ODF2L: variants seen among roughly 807,000 people sequenced by gnomAD.
ODF2L encodes outer dense fiber of sperm tails 2 like, also known as protein BCAP.
In ODF2L, 76 loss-of-function variants were observed where a neutral mutation model predicts 86.3. That is an observed-to-expected ratio of 0.88 (90% confidence interval 0.73 to 1.07). ODF2L has a LOEUF of 1.07. ODF2L is among the 50% of genes least tolerant of loss of function. The pLI is 0.00. For synonymous variants in ODF2L, 241 were observed against 231.3 expected, an observed-to-expected ratio of 1.04 and a Z score of -0.38; for missense variants, 748 against 717.4, an observed-to-expected ratio of 1.04 and a Z score of -0.49.
intron 7 of ODF2L, among the ~76,000 whole-genome samples, chr1:86,376,737 G>A (rs993108503): frequency 1.3e-5 from 2 of 152,092 alleles, no homozygotes; most frequent in Admixed American, 6.5e-5. Flanking sequence ...CAGGTCTCAC[G>A]AGAACTCACT....
intron 7 of ODF2L, among the ~76,000 whole-genome samples, chr1:86,381,574 T>C (rs568906449): frequency 3.2e-4 from 49 of 151,892 alleles, no homozygotes; most frequent in African/African-American, 1.2e-3. Context: ...TGAGTCTCTG[T>C]AACCTCTCAA....
At chr1:86,352,393 G>C (rs143762156) in intron 17 of ODF2L, among the ~76,000 whole-genome samples, 2,132 of 152,180 alleles carry the variant, frequency 0.014, 20 homozygotes, top group Non-Finnish European at 0.021. Context: ...TTTCATGGCT[G>C]AGTGGACTAA....
chr1:86,352,878 A>G, exon 17 of ODF2L: 1 of 1,542,550 alleles, frequency 6.5e-7, no homozygotes, highest in Non-Finnish European at 8.9e-7. Context: ...TTTGCAAACA[A>G]GTTGATTTTG....
In ODF2L at chr1:86,354,866, G is replaced by GAAA; in HGVS notation, c.1519-10_1519-8dup. The stretch of plus-strand genomic sequence containing the variant: ...GATTGTGATTTCCATCAACCTAAAA[G>GAAA]AAAAAAAAAAGTTTTCTTAGTCATT... On this transcript the variant is annotated splice_polypyrimidine_tract_variant and splice_region_variant and intron_variant, in intron 14 of 17. Coordinates refer to ENST00000317336, the Ensembl canonical transcript of ODF2L. 6.9e-7 allele frequency: 1 copy of GAAA among 1,449,254 alleles called. No homozygotes were observed. The highest frequency in any genetic ancestry group is 9.4e-7 in the Non-Finnish European group (1 of 1,067,794). The allele number at this position is 1,449,254 out of a possible 1,614,324, so 89.8% of individuals were successfully genotyped here.
chr1:86,387,743 A>T (rs1311994385), intron 1 of ODF2L, among the ~76,000 whole-genome samples: 1 of 152,158 alleles, frequency 6.6e-6, no homozygotes, highest in African/African-American at 2.4e-5. Context: ...AATTTAAGTA[A>T]TGAGTTAGAG....
chr1:86,383,129 C>T lies in ODF2L; in HGVS notation c.435+5G>A. 3 of 1,542,750 alleles carry T rather than the reference C, an allele frequency of 1.9e-6. No homozygotes were observed. The highest frequency in any genetic ancestry group is 1.4e-5 in the African/African-American group (1 of 73,018). ...TGGACACAAAGTAAGTGTGGAAAGA[C>T]TTACAGTATTTTCACTTTCATTATC... On this transcript the variant is annotated splice_donor_5th_base_variant and intron_variant, in intron 5 of 17. Transcript: ENST00000317336.
intron 1 of ODF2L, among the ~76,000 whole-genome samples, chr1:86,393,166 A>G (rs1187857346): frequency 6.6e-6 from 1 of 152,242 alleles, no homozygotes; most frequent in Admixed American, 6.5e-5. Flanking sequence ...TTTTAAAACA[A>G]TATCTCTGAA....
intron 16 of ODF2L, among the ~76,000 whole-genome samples, chr1:86,353,507 A>G (rs898711242): frequency 1.3e-5 from 2 of 152,086 alleles, no homozygotes; most frequent in African/African-American, 4.8e-5. Flanking sequence ...CTGGTTACTT[A>G]TTTTAGCAGG....
chr1:86,361,545 A>T (rs1410317615), intron 11 of ODF2L, among the ~76,000 whole-genome samples: 3 of 152,206 alleles, frequency 2.0e-5, no homozygotes, highest in Non-Finnish European at 2.9e-5. Flanking sequence ...GAAGCCATTT[A>T]AAAAAATGTG....
chr1:86,359,766 C>T lies in ODF2L; in HGVS notation c.1254+660G>A, dbSNP rs528800513. 3.4e-4 allele frequency among the ~76,000 whole-genome samples: 52 copies of T among 152,160 alleles called. 1 individual carries two copies. Among genetic ancestry groups the T allele is most frequent in the South Asian group, 2.3e-3 (11 of 4,814 alleles). Reference sequence around the variant, plus strand: ...CTCGAACTCCTGACTTCAAATGATCCGCCCACCTCAGCCTCCCAGTGGATT... The same window carrying T: ...CTCGAACTCCTGACTTCAAATGATCTGCCCACCTCAGCCTCCCAGTGGATT... On this transcript the variant is annotated intron_variant, in intron 12 of 17. Coordinates refer to ENST00000317336, the Ensembl canonical transcript of ODF2L.
chr1:86,385,799 T>C (rs562075768), intron 2 of ODF2L: 139 of 402,048 alleles, frequency 3.5e-4, no homozygotes, highest in Admixed American at 3.4e-4. Flanking sequence ...ACAAAAGTTA[T>C]TTGGATTAAA....
chr1:86,355,564 T>G (rs921134858), intron 14 of ODF2L, among the ~76,000 whole-genome samples: 2 of 151,952 alleles, frequency 1.3e-5, no homozygotes, highest in African/African-American at 4.8e-5. Flanking sequence ...GGGGTACAAA[T>G]GCAGGTTTGT....
chr1:86,378,727 G>A (rs1010579202), intron 7 of ODF2L, among the ~76,000 whole-genome samples: 46 of 152,098 alleles, frequency 3.0e-4, no homozygotes, highest in Admixed American at 8.5e-4. Flanking sequence ...TCACTATCAT[G>A]AGAACAGGAT....
intron 7 of ODF2L, among the ~76,000 whole-genome samples, chr1:86,378,260 CTCTA>C (rs893370319): frequency 9.2e-5 from 14 of 152,192 alleles, no homozygotes; most frequent in African/African-American, 3.4e-4. Flanking sequence ...AGTTCCTCAT[CTCTA>C]TCTGAGACCA....
chr1:86,354,598 C>G, exon 16 of ODF2L: 1 of 1,610,346 alleles, frequency 6.2e-7, no homozygotes, highest in Non-Finnish European at 8.5e-7. Context: ...GCAGATTTCT[C>G]TTTAAACTTA....
At chr1:86,353,017 G>T (rs1658258428) in intron 16 of ODF2L, 33 bp from the exon 16 acceptor site, 4 of 1,370,272 alleles carry the variant, frequency 2.9e-6, no homozygotes, top group Admixed American at 2.1e-5. Context: ...AAAATAAAGT[G>T]CTTTCTTTAA....
chr1:86,388,034 T>C (rs1036738362), intron 1 of ODF2L, among the ~76,000 whole-genome samples: 2 of 152,066 alleles, frequency 1.3e-5, no homozygotes, highest in African/African-American at 4.8e-5. Flanking sequence ...AATGTATATA[T>C]TTTATCTGAA....
intron 7 of ODF2L, among the ~76,000 whole-genome samples, chr1:86,380,278 T>C (rs1372421225): frequency 1.3e-5 from 2 of 152,160 alleles, no homozygotes; most frequent in Non-Finnish European, 2.9e-5. Context: ...AAGATTTAGA[T>C]TTGATTTTTT....
chr1:86,360,032 C>G (rs1658921359), intron 12 of ODF2L, among the ~76,000 whole-genome samples: 1 of 152,116 alleles, frequency 6.6e-6, no homozygotes, highest in African/African-American at 2.4e-5. Context: ...CTGAATTATA[C>G]TTTATTTCTT....
Sources: gnomAD v4.1 joint callset for allele counts (sites outside exome capture counted in the v4.1 genomes callset) on GRCh38, gnomAD v4.1.1 for gene constraint, MANE v1.5 for transcripts, NCBI Gene and HGNC (gene_info 2026-07-23, HGNC 2026-07-21) for gene names.